PKHD1: variants seen among roughly 807,000 people sequenced by gnomAD.
The protein encoded by PKHD1 is fibrocystin.
PKHD1 carries 291 observed loss-of-function variants against 412.0 expected under a neutral mutation model. That is an observed-to-expected ratio of 0.71 (90% CI 0.64 to 0.78). The LOEUF is 0.78. Ranked by LOEUF, PKHD1 falls within the 30% of genes least tolerant of loss-of-function variation. The probability of loss-of-function intolerance (pLI) is 0.00; values close to 1 mark genes in which losing one functional copy is unlikely to be tolerated. For synonymous variants in PKHD1, 1,777 were observed against 1,821.5 expected, an observed-to-expected ratio of 0.98 and a Z score of 0.62; for missense variants, 4,825 against 4,950.7, an observed-to-expected ratio of 0.97 and a Z score of 0.76.
chr6:51,741,917 G>A (rs1363997985), intron 60 of PKHD1, among the ~76,000 whole-genome samples: 1 of 152,132 alleles, frequency 6.6e-6, no homozygotes, highest in Non-Finnish European at 1.5e-5. Context: ...CCAAAGAAAT[G>A]GGATCCTCAC....
intron 35 of PKHD1, among the ~76,000 whole-genome samples, chr6:51,981,345 C>T (rs1216248360): frequency 1.0e-5 from 1 of 95,732 alleles, no homozygotes; most frequent in African/African-American, 3.7e-5. Context: ...CTCTCCCTCT[C>T]CCTCTCCCTC....
rs774568170 is a variant in PKHD1, at chr6:51,903,563, G to T, written c.6996+34C>A. 9 of 1,598,730 alleles carry T rather than the reference G, an allele frequency of 5.6e-6. No homozygotes were observed. The East Asian group carries it at 1.4e-4, about 24-fold the overall frequency. On this transcript the variant is annotated intron_variant, in intron 43 of 66. Transcript: ENST00000371117. ...TGAGAAAGAACTTTATGCCCTCTCAGTTCTGGTCTTCCTGGTAGAGCTGAA... is the reference window on the plus strand; with the variant it reads ...TGAGAAAGAACTTTATGCCCTCTCATTTCTGGTCTTCCTGGTAGAGCTGAA...
intron 43 of PKHD1, among the ~76,000 whole-genome samples, chr6:51,895,826 G>C (rs966979259): frequency 6.6e-6 from 1 of 152,104 alleles, no homozygotes; most frequent in Non-Finnish European, 1.5e-5. Flanking sequence ...TGCACAAGCC[G>C]AAGCAGGGTG....
At position 52,025,961 on chromosome 6, in the gene PKHD1, T is replaced by C; in HGVS notation, c.3849A>G (p.Ser1283=). 6.2e-7 allele frequency: 1 copy of C among 1,614,014 alleles called. No homozygotes were observed. The highest frequency in any genetic ancestry group is 8.5e-7 in the Non-Finnish European group (1 of 1,180,006). Residue 1283 remains serine, a synonymous_variant, in exon 32 of 67, where the codon TCA becomes TCG. Transcript: ENST00000371117. ...TGAAGCCTTTCCCCACCAAGCTTGG[T>C]GAAGGACCACGGGCGAAGAACCTGT... ...AGNRFFARGP[S]PSLVGKGFTF... is the part of the protein sequence containing the mutation.
intron 58 of PKHD1, 31 bp from the exon 59 acceptor site, chr6:51,746,920 T>TATATC (rs1339453141): frequency 7.8e-7 from 1 of 1,276,808 alleles, no homozygotes; most frequent in Non-Finnish European, 1.1e-6. Context: ...ATCATAATAT[T>TATATC]ATATCATATA....
chr6:51,649,394 A>G (rs2150368115), intron 61 of PKHD1, among the ~76,000 whole-genome samples, 174 bp from the exon 62 acceptor site: 1 of 152,298 alleles, frequency 6.6e-6, no homozygotes, highest in East Asian at 1.9e-4. Flanking sequence ...TTGTGTATGT[A>G]TTTGATATGT....
chr6:51,697,324 T>C (rs905953607), intron 60 of PKHD1, among the ~76,000 whole-genome samples: 1 of 152,252 alleles, frequency 6.6e-6, no homozygotes, highest in Non-Finnish European at 1.5e-5. Context: ...AGCATTTATT[T>C]GCAATTACTT....
chr6:52,028,426 G>A, intron 29 of PKHD1, 75 bp from the exon 30 acceptor site: 1 of 1,391,378 alleles, frequency 7.2e-7, no homozygotes, highest in Non-Finnish European at 1.0e-6. Flanking sequence ...TTCTAAAACT[G>A]TCTTTTTGGA....
intron 60 of PKHD1, 43 bp from the exon 61 acceptor site, chr6:51,660,012 ATC>A (rs1772582818): frequency 8.5e-7 from 1 of 1,174,320 alleles, no homozygotes; most frequent in Non-Finnish European, 1.3e-6. Context: ...ATGAATTATA[ATC>A]TGTCAATGAT....
chr6:51,627,736 G>C, intron 65 of PKHD1, among the ~76,000 whole-genome samples: 1 of 152,098 alleles, frequency 6.6e-6, no homozygotes, highest in East Asian at 1.9e-4. Flanking sequence ...CCAAAGAATT[G>C]AGACCGGTAC....
intron 37 of PKHD1, among the ~76,000 whole-genome samples, chr6:51,927,852 C>T (rs1362607633): frequency 6.6e-6 from 1 of 152,126 alleles, no homozygotes; most frequent in African/African-American, 2.4e-5. Context: ...CTTTCTAGTA[C>T]TCCACCAAGA....
intron 35 of PKHD1, among the ~76,000 whole-genome samples, chr6:52,001,689 C>G: frequency 6.6e-6 from 1 of 152,034 alleles, no homozygotes; most frequent in East Asian, 1.9e-4. Context: ...CGTCGGCCTC[C>G]CAAAGTGCTG....
chr6:51,833,306 G>C (rs969301626), intron 51 of PKHD1, among the ~76,000 whole-genome samples: 2 of 152,116 alleles, frequency 1.3e-5, no homozygotes, highest in African/African-American at 4.8e-5. Flanking sequence ...TCTTTAGTTG[G>C]ACAAATTAGG....
intron 52 of PKHD1, among the ~76,000 whole-genome samples, chr6:51,805,656 T>C (rs1018165575): frequency 6.6e-6 from 1 of 152,162 alleles, no homozygotes; most frequent in Non-Finnish European, 1.5e-5. Context: ...TTAGGAAGAC[T>C]ATGTAAAAAC....
intron 35 of PKHD1, among the ~76,000 whole-genome samples, chr6:51,965,043 T>A (rs1374138370): frequency 6.6e-6 from 1 of 152,148 alleles, no homozygotes; most frequent in Non-Finnish European, 1.5e-5. Flanking sequence ...CAATTAATAC[T>A]CTTGGCTATT....
At chr6:51,861,669 C>A (rs988879357) in intron 48 of PKHD1, among the ~76,000 whole-genome samples, 5 of 152,220 alleles carry the variant, frequency 3.3e-5, no homozygotes, top group African/African-American at 1.2e-4. Context: ...CACCACTATT[C>A]TATCTGCTAA....
At chr6:51,882,004 G>A (rs1777453168) in intron 46 of PKHD1, among the ~76,000 whole-genome samples, 1 of 152,060 alleles carries the variant, frequency 6.6e-6, no homozygotes, top group African/African-American at 2.4e-5. Context: ...CTTAATTTTT[G>A]TCACTTTCCC....
chr6:51,733,750 AGAAAGACTTATATGAAACCTG>A (rs765019356), intron 60 of PKHD1, among the ~76,000 whole-genome samples: 30 of 152,230 alleles, frequency 2.0e-4, no homozygotes, highest in Non-Finnish European at 4.0e-4. Flanking sequence ...GCTGTAATAC[AGAAAGACTTATATGAAACCTG>A]GAAAGACTTA....
Position 51,831,007 on chromosome 6 carries a change from A to AT in PKHD1, c.8174-19dup. On this transcript the variant is annotated intron_variant, in intron 51 of 66. Coordinates refer to ENST00000371117, the MANE Select transcript of PKHD1 (RefSeq NM_138694.4). ...GGTAGAAGCTAGAAAATAAAAAAAA[A>AT]TTTTGAAAATCTAATCCATTGTGAT... 1.9e-6 allele frequency: 3 copies of AT among 1,602,284 alleles called. No individual in the cohort carries two copies. Among genetic ancestry groups the AT allele is most frequent in the Non-Finnish European group, 2.6e-6 (3 of 1,170,528 alleles).
Sources: gnomAD v4.1 joint callset for allele counts (sites outside exome capture counted in the v4.1 genomes callset) on GRCh38, gnomAD v4.1.1 for gene constraint, MANE v1.5 for transcripts, NCBI Gene and HGNC (gene_info 2026-07-23, HGNC 2026-07-21) for gene names.